Variants in TRIOBP observed in about 807,000 individuals in gnomAD.
TRIOBP encodes the protein TRIO and F-actin binding protein.
In TRIOBP, 169 loss-of-function variants were observed where a neutral mutation model predicts 238.8. The ratio of observed to expected loss-of-function variants is 0.71; its 90% CI spans 0.62 to 0.80. The LOEUF (loss-of-function observed/expected upper bound fraction) is 0.80. TRIOBP is among the 30% of genes least tolerant of loss of function. The pLI, the probability that TRIOBP is intolerant of heterozygous loss-of-function variation, is 0.00. For synonymous variants in TRIOBP, 1,150 were observed against 1,274.4 expected (o/e 0.90, Z 2.08); for missense variants, 2,838 against 3,122.6 (o/e 0.91, Z 2.17).
intron 9 of TRIOBP, among the ~76,000 whole-genome samples, chr22:37,737,839 G>A (rs554627063): frequency 6.6e-6 from 1 of 152,274 alleles, no homozygotes; most frequent in East Asian, 1.9e-4. Context: ...CGAAGTCTTA[G>A]GTCAGGCTCC....
chr22:37,734,365 G>C (rs1352805260), intron 8 of TRIOBP, 34 bp from the exon 9 acceptor site: 1 of 1,596,996 alleles, frequency 6.3e-7, no homozygotes, highest in East Asian at 2.2e-5. Context: ...TCCCCAGAGA[G>C]AGAGCCTCAC....
At chr22:37,698,852 A>G (rs1410122089) in intron 2 of TRIOBP, among the ~76,000 whole-genome samples, 2 of 151,828 alleles carry the variant, frequency 1.3e-5, no homozygotes, top group African/African-American at 2.4e-5. Context: ...CACCTCCCCA[A>G]AAAAGACATT....
intron 17 of TRIOBP, chr22:37,760,165 ATTGAGAATAT>A (rs1926171677): frequency 6.5e-6 from 1 of 152,846 alleles, no homozygotes; most frequent in Non-Finnish European, 1.5e-5. Flanking sequence ...GTAGTTTTCT[ATTGAGAATAT>A]TTGAGAATAT....
At chr22:37,753,078 T>C (rs1004967457) in intron 12 of TRIOBP, among the ~76,000 whole-genome samples, 1 of 152,080 alleles carries the variant, frequency 6.6e-6, no homozygotes, top group Non-Finnish European at 1.5e-5. Context: ...AGAGAGGCAA[T>C]TGAGGTCTGC....
chr22:37,723,713 A>C lies in TRIOBP; in HGVS notation c.1157A>C (p.Asp386Ala), dbSNP rs1293876937. The change falls in exon 7 of 24, where the codon GAC becomes GCC. Residue 386 changes from aspartate (D) to alanine (A), a missense_variant. Physicochemically the swap from Asp to Ala is moderately radical, Grantham distance 126 (BLOSUM62 -2). Coordinates refer to ENST00000644935, the MANE Select transcript of TRIOBP (RefSeq NM_001039141.3). ...ENPRTPCVQQ[D>A]DPRASSPNRT... ...CCCAGGACACCCTGTGTCCAGCAGG[A>C]CGATCCCAGAGCCTCCTCTCCCAAC... is the stretch of plus-strand genomic sequence containing the variant. The C allele has an allele frequency of 1.2e-6, 2 of 1,612,120 alleles. No individual in the cohort carries two copies. The highest frequency in any genetic ancestry group is 1.7e-6 in the Non-Finnish European group (2 of 1,178,842).
chr22:37,773,625 G>A (rs1926890998), intron 23 of TRIOBP, among the ~76,000 whole-genome samples, 158 bp from the exon 24 acceptor site: 2 of 152,130 alleles, frequency 1.3e-5, no homozygotes, highest in African/African-American at 2.4e-5. Context: ...GCCACCCTAT[G>A]GCTGAGCTGC....
At chr22:37,702,634 CTTTTTTTTT>C (rs34625454) in intron 3 of TRIOBP, among the ~76,000 whole-genome samples, 1 of 81,198 alleles carries the variant, frequency 1.2e-5, no homozygotes, top group Non-Finnish European at 2.3e-5. Context: ...TTCTCTCTCT[CTTTTTTTTT>C]TTTTTTTTTT....
intron 4 of TRIOBP, among the ~76,000 whole-genome samples, chr22:37,711,702 G>C (rs553972710): frequency 1.3e-3 from 191 of 151,968 alleles, no homozygotes; most frequent in African/African-American, 4.2e-3. Flanking sequence ...AAGTTGAATA[G>C]CTTTCCTGCA....
intron 6 of TRIOBP, among the ~76,000 whole-genome samples, chr22:37,717,324 T>C (rs760153683): frequency 2.0e-5 from 3 of 152,206 alleles, no homozygotes; most frequent in Non-Finnish European, 4.4e-5. Context: ...GCAAGATTTA[T>C]TGCAAAGAGC....
In TRIOBP at chr22:37,724,535, C is replaced by T. The variant is rs142024473; in HGVS notation, c.1979C>T (p.Ala660Val). The T allele has an allele frequency of 0.046, 74,265 of 1,609,014 alleles. 1,868 individuals carry two copies. Among genetic ancestry groups the T allele is most frequent in the South Asian group, 0.088 (7,895 of 89,916 alleles). Residue 660 changes from alanine (A) to valine (V), a missense_variant, in exon 7 of 24, where the codon GCC (alanine) becomes GTC (valine). Around this residue, in one of 5 missense-constraint regions of TRIOBP, gnomAD observed 167 missense variants for 200.2 expected, o/e 0.83. Coordinates refer to ENST00000644935, the MANE Select transcript of TRIOBP (RefSeq NM_001039141.3). ...TGTGCCCGACGGGACGATCCCAGAG[C>T]CTCCTCTCCTAACAGAACCATCCAA... ...TSCARRDDPR[A>V]SSPNRTIQQE...
At chr22:37,703,033 G>C (rs1922741571) in intron 3 of TRIOBP, among the ~76,000 whole-genome samples, 1 of 150,346 alleles carries the variant, frequency 6.7e-6, no homozygotes, top group African/African-American at 2.5e-5. Context: ...GTCTCTCTCT[G>C]TCGCCAGGCT....
chr22:37,711,148 G>C (rs73409465), intron 4 of TRIOBP, among the ~76,000 whole-genome samples: 8,076 of 152,274 alleles, frequency 0.053, 245 homozygotes, highest in South Asian at 0.094. Context: ...CATCCCTGAT[G>C]GGTCTTGAGC....
chr22:37,759,569 G>T (rs200050890), intron 17 of TRIOBP: 3 of 1,593,954 alleles, frequency 1.9e-6, no homozygotes, highest in Admixed American at 1.7e-5. Context: ...GTGAGTCCCC[G>T]TGTGACACTC....
intron 11 of TRIOBP, among the ~76,000 whole-genome samples, chr22:37,741,968 A>T (rs574095394): frequency 1.3e-3 from 203 of 152,206 alleles, no homozygotes; most frequent in Middle Eastern, 3.4e-3. Flanking sequence ...TCCTTTTTTT[A>T]AAAAATTAAG....
In TRIOBP at chr22:37,734,865, GC is replaced by G. The variant is rs772032710; in HGVS notation, c.4532del (p.Pro1511HisfsTer99). The G allele has an allele frequency of 1.9e-6, 3 of 1,613,024 alleles. No individual in the cohort carries two copies. Among genetic ancestry groups the G allele is most frequent in the Non-Finnish European group, 2.5e-6 (3 of 1,179,998 alleles). ...CTCCCCAGAGAACTAGGAAAGAGAA[GC>G]CCACTCACGAGCCCCCCTGAGAACT... ...HELPRELGKR[S>X]PLTSPPENWG... On this transcript the variant is annotated frameshift_variant, in exon 9 of 24. Transcript: ENST00000644935. LOFTEE classifies it high-confidence loss of function.
At chr22:37,703,000 C>CT (rs201196467) in intron 3 of TRIOBP, among the ~76,000 whole-genome samples, 3,993 of 149,662 alleles carry the variant, frequency 0.027, 79 homozygotes, top group Non-Finnish European at 0.037. Context: ...TTTTTTCTTT[C>CT]TTTTTTTTTC....
At chr22:37,718,782 T>C (rs901063661) in intron 6 of TRIOBP, among the ~76,000 whole-genome samples, 1 of 150,976 alleles carries the variant, frequency 6.6e-6, no homozygotes, top group African/African-American at 2.4e-5. Flanking sequence ...TGTGAGCCCA[T>C]TGGGATCTGG....
At chr22:37,714,673 A>G (rs1196521747) in intron 5 of TRIOBP, among the ~76,000 whole-genome samples, 4 of 150,358 alleles carry the variant, frequency 2.7e-5, no homozygotes, top group African/African-American at 7.3e-5. Context: ...TAAATAGAGA[A>G]AAAAAAAAAA....
chr22:37,725,947 G>C lies in TRIOBP; in HGVS notation c.3391G>C (p.Glu1131Gln), dbSNP rs1269018850. Residue 1131 changes from glutamate (E) to glutamine (Q), a missense_variant, in exon 7 of 24, where the codon GAG becomes CAG. Transcript: ENST00000644935. ...CTCCTCCCCACCACGCCAGGCCCCAGAGCCTTCCCTCTTATTCCAGGACCT... is the reference window on the plus strand; with the variant it reads ...CTCCTCCCCACCACGCCAGGCCCCACAGCCTTCCCTCTTATTCCAGGACCT... The part of the protein sequence containing the change: ...RASSPPRQAP[E>Q]PSLLFQDLPR... 2.5e-6 allele frequency: 4 copies of C among 1,604,552 alleles called. No individual in the cohort carries two copies. The highest frequency in any genetic ancestry group is 3.4e-6 in the Non-Finnish European group (4 of 1,177,198).
Sources: allele counts gnomAD v4.1 joint callset (sites outside exome capture counted in the v4.1 genomes callset), GRCh38; gene constraint gnomAD v4.1.1; regional missense constraint gnomAD v4.1.1; transcripts MANE v1.5; gene names NCBI Gene and HGNC (gene_info 2026-07-23, HGNC 2026-07-21).